Variants in MTARC1 observed in about 807,000 individuals in gnomAD.
The protein encoded by MTARC1 is mitochondrial amidoxime reducing component 1, also known as mitochondrial amidoxime-reducing component 1.
A neutral mutation model predicts 33.6 loss-of-function variants in MTARC1; 24 were observed. That is an observed-to-expected ratio of 0.72 (90% CI 0.52 to 1.01). The LOEUF (loss-of-function observed/expected upper bound fraction) is 1.01. Ranked by LOEUF, MTARC1 falls within the 50% of genes least tolerant of loss-of-function variation. The pLI, the probability that MTARC1 is intolerant of heterozygous loss-of-function variation, is 0.00. For missense variants in MTARC1, 417 were observed against 445.7 expected, an observed-to-expected ratio of 0.94 and a Z score of 0.58; for synonymous variants, 187 against 189.5, an observed-to-expected ratio of 0.99 and a Z score of 0.11.
rs1874117 is a variant in MTARC1 at position 220,791,127 on chromosome 1, G to A, written c.276-364G>A. On this transcript the variant is annotated intron_variant, in intron 1 of 6. Transcript: ENST00000366910. ...GCCCTGTGCTTCCTCCTGCCTTTGA[G>A]GTCTTCATGTAAAATAGATTCTTGT... is the stretch of plus-strand genomic sequence containing the variant. 1,692 of 178,728 alleles carry A rather than the reference G, an allele frequency of 9.5e-3. 24 individuals carry two copies. The highest frequency in any genetic ancestry group is 0.059 in the East Asian group (432 of 7,298). 11.1% of individuals were successfully genotyped at this position (178,728 alleles called of 1,614,324 possible). A position where few individuals can be genotyped will look rare whatever the true frequency, so the allele number is the denominator to read the frequency against.
intron 1 of MTARC1, 34 bp downstream of exon 1, chr1:220,787,253 T>A: frequency 6.5e-7 from 1 of 1,539,644 alleles, no homozygotes; most frequent in Middle Eastern, 2.0e-4. Flanking sequence ...GCAGCGCTGA[T>A]CCGGCTCGGG....
Position 220,787,183 on chromosome 1 carries a change from C to G in MTARC1, c.239C>G (p.Thr80Arg), listed in dbSNP as rs145223985. 1 of 1,579,504 alleles carries G rather than the reference C, an allele frequency of 6.3e-7. No individual in the cohort carries two copies. Among genetic ancestry groups the G allele is most frequent in the Admixed American group, 1.8e-5 (1 of 55,908 alleles). Reference protein sequence around the residue: ...KGVPVSEAECTAMGLRSGNLR... With the variant: ...KGVPVSEAECRAMGLRSGNLR... ...GTGCCGGTGAGCGAGGCGGAGTGCA[C>G]GGCCATGGGGCTGCGCAGCGGCAAC... The change falls in exon 1 of 7, where the codon ACG (threonine) becomes AGG (arginine). Residue 80 changes from threonine (T) to arginine (R), a missense_variant. Transcript: ENST00000366910.
Position 220,786,919 on chromosome 1 carries a change from G to A in MTARC1, c.-26G>A. 8.1e-7 allele frequency: 1 copy of A among 1,229,254 alleles called. No homozygotes were observed. 76.1% of individuals were successfully genotyped at this position (1,229,254 alleles called of 1,614,324 possible). ...GCGACCAGCGCGCTCCGGCCTTGCC[G>A]CCGCCACCTCGCGGAGAAGCCAGCC... On this transcript the variant is annotated 5_prime_UTR_variant, in exon 1 of 7. Transcript: ENST00000366910.
Position 220,814,948 on chromosome 1 carries a change from G to A in MTARC1, c.*1530G>A, listed in dbSNP as rs1322636979. 6.6e-6 allele frequency: 1 copy of A among 152,218 alleles called. No homozygotes were observed. Among genetic ancestry groups the A allele is most frequent in the East Asian group, 1.9e-4 (1 of 5,206 alleles). 9.4% of individuals were successfully genotyped at this position (152,218 alleles called of 1,614,324 possible). A position where few individuals can be genotyped will look rare whatever the true frequency, so the allele number is the denominator to read the frequency against. On this transcript the variant is annotated 3_prime_UTR_variant, in exon 7 of 7. Transcript: ENST00000366910. ...TTTTCACTTTGATTTTATAAAAGAG[G>A]TCAGTAATCGCTGAAATCTAGCTGA...
At chr1:220,806,233 G>A (rs1672967797) in intron 6 of MTARC1, among the ~76,000 whole-genome samples, 2 of 152,172 alleles carry the variant, frequency 1.3e-5, no homozygotes, top group South Asian at 4.1e-4. Flanking sequence ...TGAACTAAGG[G>A]TGCTTCTCTT....
intron 6 of MTARC1, among the ~76,000 whole-genome samples, chr1:220,812,256 A>G (rs944362316): frequency 1.3e-5 from 2 of 152,232 alleles, no homozygotes; most frequent in Non-Finnish European, 2.9e-5. Flanking sequence ...CAGGTCTGAA[A>G]AAGCAGGCTG....
In MTARC1 at chr1:220,798,245, A is replaced by G. The variant is rs1185078462; in HGVS notation, c.753+231A>G. On this transcript the variant is annotated intron_variant, in intron 4 of 6. Coordinates refer to ENST00000366910, the MANE Select transcript of MTARC1 (RefSeq NM_022746.4). ...TCATCAAGGAGGCAGTTCAGTATCT[A>G]AGGCTTCTAAGGAGAATTCTGAGTT... The G allele has an allele frequency of 2.1e-6, 3 of 1,437,564 alleles. No individual in the cohort carries two copies. In the African/African-American group the frequency reaches 4.3e-5, roughly 21 times the overall value. 89.1% of individuals were successfully genotyped at this position (1,437,564 alleles called of 1,614,324 possible).
chr1:220,819,177 A>G lies in MTARC1; in HGVS notation c.*5759A>G, dbSNP rs1227592860. 6.6e-6 allele frequency: 1 copy of G among 152,220 alleles called. No individual in the cohort carries two copies. Among genetic ancestry groups the G allele is most frequent in the Non-Finnish European group, 1.5e-5 (1 of 68,042 alleles). 9.4% of individuals were successfully genotyped at this position (152,220 alleles called of 1,614,324 possible). On this transcript the variant is annotated 3_prime_UTR_variant, in exon 7 of 7. Coordinates refer to ENST00000366910, the MANE Select transcript of MTARC1 (RefSeq NM_022746.4). ...AATTGCTTTAAAAAATGATGTGTGC[A>G]TACTTTAGGAACGTTTTTACCCTTT...
rs910915983 is a variant in MTARC1, at chr1:220,814,363, C to T, written c.*945C>T. On this transcript the variant is annotated 3_prime_UTR_variant, in exon 7 of 7. Coordinates refer to ENST00000366910, the MANE Select transcript of MTARC1 (RefSeq NM_022746.4). Reference sequence around the variant, plus strand: ...CTAAACTTGAAAAATGTTTTTAAAACTGTGAATAAATGGAAGCTACTTTGA... The same window carrying T: ...CTAAACTTGAAAAATGTTTTTAAAATTGTGAATAAATGGAAGCTACTTTGA... 1.3e-5 allele frequency: 2 copies of T among 152,116 alleles called. No homozygotes were observed. The highest frequency in any genetic ancestry group is 2.4e-5 in the African/African-American group (1 of 41,408). 9.4% of individuals were successfully genotyped at this position (152,116 alleles called of 1,614,324 possible). A position where few individuals can be genotyped will look rare whatever the true frequency, so the allele number is the denominator to read the frequency against.
Position 220,816,072 on chromosome 1 carries a change from A to C in MTARC1, c.*2654A>C, listed in dbSNP as rs1304754655. 6.6e-6 allele frequency: 1 copy of C among 152,276 alleles called. No homozygotes were observed. Among genetic ancestry groups the C allele is most frequent in the African/African-American group, 2.4e-5 (1 of 41,466 alleles). 9.4% of individuals were successfully genotyped at this position (152,276 alleles called of 1,614,324 possible). ...CTGTTGGAATTCAGGCCGTTGTCCTATAGGGAGAAATACTCCTCCTCTCCT... is the reference window on the plus strand; with the variant it reads ...CTGTTGGAATTCAGGCCGTTGTCCTCTAGGGAGAAATACTCCTCCTCTCCT... On this transcript the variant is annotated 3_prime_UTR_variant, in exon 7 of 7. Coordinates refer to ENST00000366910, the MANE Select transcript of MTARC1 (RefSeq NM_022746.4).
intron 1 of MTARC1, among the ~76,000 whole-genome samples, chr1:220,790,567 A>G (rs956935974): frequency 5.3e-5 from 8 of 152,362 alleles, no homozygotes; most frequent in Admixed American, 4.6e-4. Flanking sequence ...TATACTAAGC[A>G]TATTTTTCTA....
intron 6 of MTARC1, among the ~76,000 whole-genome samples, chr1:220,807,490 G>A (rs1422782869): frequency 6.6e-6 from 1 of 152,176 alleles, no homozygotes; most frequent in African/African-American, 2.4e-5. Context: ...GGCTGAGGTA[G>A]GAGAATCCTT....
intron 6 of MTARC1, among the ~76,000 whole-genome samples, chr1:220,807,599 A>G (rs1424506437): frequency 6.6e-6 from 1 of 152,136 alleles, no homozygotes; most frequent in Non-Finnish European, 1.5e-5. Flanking sequence ...ACAAACAAAC[A>G]AACAAAAAAA....
Position 220,791,604 on chromosome 1 carries a change from A to G in MTARC1, c.389A>G (p.Tyr130Cys). Residue 130 changes from tyrosine to cysteine, a missense_variant, in exon 2 of 7, where the codon TAC becomes TGC. Physicochemically the swap from Tyr to Cys is radical, Grantham distance 194. Transcript: ENST00000366910. ...GACACCCTGACTCTCAGTGCAGCCT[A>G]CACAAAGGACCTACTACTGCCTATC... ...DGDTLTLSAA[Y>C]TKDLLLPIKT... The G allele has an allele frequency of 3.7e-6, 6 of 1,614,160 alleles. No homozygotes were observed. The highest frequency in any genetic ancestry group is 5.1e-6 in the Non-Finnish European group (6 of 1,180,032).
chr1:220,804,995 C>T, intron 4 of MTARC1, 57 bp from the exon 5 acceptor site: 41 of 1,582,498 alleles, frequency 2.6e-5, no homozygotes, highest in Non-Finnish European at 3.5e-5. Flanking sequence ...AATCTCTACA[C>T]ACGTGTCAGG....
At chr1:220,799,685 G>A (rs1423770959) in intron 4 of MTARC1, among the ~76,000 whole-genome samples, 1 of 152,184 alleles carries the variant, frequency 6.6e-6, no homozygotes, top group African/African-American at 2.4e-5. Flanking sequence ...ACAGCAAGGA[G>A]GGGCTGGGTT....
rs541740639 is a variant in MTARC1 at position 220,818,718 on chromosome 1, A to G, written c.*5300A>G. ...TCCCTCTTTAGAATTTACTGGGAGTACTGTAAATAAACTATTGTTGTTATA... is the reference window on the plus strand; with the variant it reads ...TCCCTCTTTAGAATTTACTGGGAGTGCTGTAAATAAACTATTGTTGTTATA... On this transcript the variant is annotated 3_prime_UTR_variant, in exon 7 of 7. Coordinates refer to ENST00000366910, the MANE Select transcript of MTARC1 (RefSeq NM_022746.4). 17 of 152,362 alleles carry G rather than the reference A, an allele frequency of 1.1e-4. No homozygotes were observed. The highest frequency in any genetic ancestry group is 3.8e-4 in the African/African-American group (16 of 41,584). 9.4% of individuals were successfully genotyped at this position (152,362 alleles called of 1,614,324 possible).
At chr1:220,797,099 C>A (rs2270535) in intron 3 of MTARC1, among the ~76,000 whole-genome samples, 3,007 of 152,140 alleles carry the variant, frequency 0.02, 48 homozygotes, top group East Asian at 0.06. Context: ...TCATTCCATT[C>A]TGTAATTGCA....
At chr1:220,791,926 A>G (rs1672436194) in intron 2 of MTARC1, among the ~76,000 whole-genome samples, 1 of 152,056 alleles carries the variant, frequency 6.6e-6, no homozygotes, top group Non-Finnish European at 1.5e-5. Flanking sequence ...GCATATTGAC[A>G]TGTCAGCAAG....
Sources: gnomAD v4.1 joint callset for allele counts (sites outside exome capture counted in the v4.1 genomes callset) on GRCh38, gnomAD v4.1.1 for gene constraint, MANE v1.5 for transcripts, NCBI Gene and HGNC (gene_info 2026-07-23, HGNC 2026-07-21) for gene names.